The following AGBL1 variants were observed in gnomAD, a reference collection of about 807,000 sequenced individuals.
AGBL1 encodes cytosolic carboxypeptidase 4.
In AGBL1, 130 loss-of-function variants were observed where a neutral mutation model predicts 118.9. The ratio of observed to expected loss-of-function variants is 1.09; its 90% CI spans 0.95 to 1.26. AGBL1 has a LOEUF of 1.26. Ranked by LOEUF, AGBL1 falls within the 50% of genes most tolerant of loss-of-function variation. The pLI is 0.00. For missense variants in AGBL1, 1,584 were observed against 1,298.1 expected (o/e 1.22, Z -3.38); for synonymous variants, 555 against 478.9 (o/e 1.16, Z -2.08).
chr15:86,422,352 G>A (rs2142025674), intron 18 of AGBL1, among the ~76,000 whole-genome samples: 1 of 152,228 alleles, frequency 6.6e-6, no homozygotes, highest in Admixed American at 6.5e-5. Context: ...TGACTACTGG[G>A]TAAATAACAA....
chr15:86,435,714 C>T (rs1264219765), intron 18 of AGBL1, among the ~76,000 whole-genome samples: 1 of 152,134 alleles, frequency 6.6e-6, no homozygotes, highest in Non-Finnish European at 1.5e-5. Context: ...CCCAGGCTAG[C>T]CAGAAACCTC....
intron 18 of AGBL1, among the ~76,000 whole-genome samples, chr15:86,518,451 A>C (rs1309023770): frequency 6.6e-6 from 1 of 152,032 alleles, no homozygotes; most frequent in South Asian, 2.1e-4. Context: ...GTGACCCTTT[A>C]GTTAGGACTA....
chr15:86,920,039 T>C (rs2080468951), downstream of AGBL1, among the ~76,000 whole-genome samples: 1 of 152,156 alleles, frequency 6.6e-6, no homozygotes, highest in South Asian at 2.1e-4. Context: ...ACATTATCTA[T>C]TTACTGTCTT....
At chr15:86,997,474 G>C (rs992677225) in intron 24 of AGBL1, among the ~76,000 whole-genome samples, 3 of 152,142 alleles carry the variant, frequency 2.0e-5, no homozygotes, top group Non-Finnish European at 4.4e-5. Context: ...TTAATTCTCA[G>C]CTTCAGTTTA....
At chr15:86,560,275 T>C (rs939116121) in intron 21 of AGBL1, among the ~76,000 whole-genome samples, 7 of 151,906 alleles carry the variant, frequency 4.6e-5, no homozygotes, top group Non-Finnish European at 8.8e-5. Flanking sequence ...TATCTCCTAA[T>C]GCTATCCCTC....
chr15:86,263,063 A>T (rs1250076948), intron 10 of AGBL1, among the ~76,000 whole-genome samples, 169 bp downstream of exon 10: 1 of 152,238 alleles, frequency 6.6e-6, no homozygotes, highest in Non-Finnish European at 1.5e-5. Context: ...GTGGGAAAAG[A>T]TGGCAAAAAT....
intron 22 of AGBL1, among the ~76,000 whole-genome samples, chr15:86,831,819 A>G (rs1276782838): frequency 2.0e-5 from 3 of 152,142 alleles, no homozygotes; most frequent in Non-Finnish European, 4.4e-5. Flanking sequence ...CAGTGGGGAA[A>G]TCTGTGTGGG....
In AGBL1 at chr15:86,383,166, A is replaced by G. The variant is rs2081135296; in HGVS notation, c.2375-14200A>G. Among the ~76,000 whole-genome samples, 3 of 149,880 alleles carry G rather than the reference A, an allele frequency of 2.0e-5. 1 individual carries two copies. The Admixed American group carries it at 2.0e-4, about 10-fold the overall frequency. On this transcript the variant is annotated intron_variant, in intron 17 of 22. Transcript: ENST00000614907. ...GCTGTCTAGATGTCAGCTGTCTTAAATAGCCGGAGCTGGAAAGGGTTTGGG... is the reference window on the plus strand; with the variant it reads ...GCTGTCTAGATGTCAGCTGTCTTAAGTAGCCGGAGCTGGAAAGGGTTTGGG...
chr15:86,251,222 A>C (rs950903561), intron 7 of AGBL1, among the ~76,000 whole-genome samples: 3 of 152,190 alleles, frequency 2.0e-5, no homozygotes, highest in African/African-American at 7.2e-5. Flanking sequence ...CGCAAAGCTC[A>C]TAAGTGTTGG....
intron 23 of AGBL1, among the ~76,000 whole-genome samples, chr15:86,964,806 G>A (rs185895583): frequency 1.6e-4 from 24 of 151,438 alleles, no homozygotes; most frequent in Non-Finnish European, 2.2e-4. Flanking sequence ...GACAGGCCCC[G>A]GTGTGTAACA....
chr15:86,945,057 G>A (rs559159257), intron 23 of AGBL1, among the ~76,000 whole-genome samples: 5 of 151,988 alleles, frequency 3.3e-5, no homozygotes, highest in Admixed American at 6.6e-5. Flanking sequence ...TAATTATCAT[G>A]TAAAATGATG....
intron 13 of AGBL1, among the ~76,000 whole-genome samples, chr15:86,267,285 A>G (rs567383322): frequency 3.1e-3 from 472 of 152,308 alleles, no homozygotes; most frequent in African/African-American, 0.011. Flanking sequence ...CCAGTACACC[A>G]CTAAGTGTAC....
intron 22 of AGBL1, among the ~76,000 whole-genome samples, chr15:86,735,997 G>A (rs2077591947): frequency 6.6e-6 from 1 of 152,108 alleles, no homozygotes; most frequent in Admixed American, 6.6e-5. Context: ...GCTTGGTGTG[G>A]TGCTTGACAA....
chr15:86,487,836 G>A (rs1208982378), intron 18 of AGBL1, among the ~76,000 whole-genome samples: 1 of 152,046 alleles, frequency 6.6e-6, no homozygotes, highest in Non-Finnish European at 1.5e-5. Flanking sequence ...GGTGACTTTG[G>A]GAAAGCCTGG....
intron 5 of AGBL1, among the ~76,000 whole-genome samples, chr15:86,164,977 C>G (rs953162922): frequency 6.6e-6 from 1 of 152,158 alleles, no homozygotes; most frequent in Non-Finnish European, 1.5e-5. Context: ...TTTAGTATCC[C>G]CACCTTCTTA....
At chr15:86,875,398 G>A (rs2079792969) in intron 22 of AGBL1, among the ~76,000 whole-genome samples, 1 of 152,184 alleles carries the variant, frequency 6.6e-6, no homozygotes, top group African/African-American at 2.4e-5. Context: ...TTGCTGCAGT[G>A]TAATTGGATT....
At chr15:86,267,747 G>A (rs2079097010) in intron 13 of AGBL1, among the ~76,000 whole-genome samples, 1 of 152,306 alleles carries the variant, frequency 6.6e-6, no homozygotes, top group Middle Eastern at 3.4e-3. Flanking sequence ...TTCTCACTAT[G>A]TTAAAATTCT....
intron 21 of AGBL1, among the ~76,000 whole-genome samples, chr15:86,564,737 G>C (rs1252368055): frequency 6.6e-6 from 1 of 152,192 alleles, no homozygotes; most frequent in Non-Finnish European, 1.5e-5. Context: ...TTCCAACTTG[G>C]TTCCATTCAC....
chr15:86,928,645 T>A (rs1833284421), intron 23 of AGBL1, among the ~76,000 whole-genome samples: 1 of 152,310 alleles, frequency 6.6e-6, no homozygotes, highest in African/African-American at 2.4e-5. Flanking sequence ...GTACCATGCA[T>A]GTTTTCTGTA....
Sources: allele counts gnomAD v4.1 joint callset (sites outside exome capture counted in the v4.1 genomes callset), GRCh38; gene constraint gnomAD v4.1.1; transcripts MANE v1.5; gene names NCBI Gene and HGNC (gene_info 2026-07-23, HGNC 2026-07-21).